RAP1A: variants seen among roughly 807,000 people sequenced by gnomAD.
The protein encoded by RAP1A is ras-related protein Rap-1A.
RAP1A carries 6 observed loss-of-function variants against 26.4 expected under a neutral mutation model. That is an observed-to-expected ratio of 0.23 (90% CI 0.12 to 0.45). The LOEUF (loss-of-function observed/expected upper bound fraction) is 0.45. Among genes scored for constraint, RAP1A ranks in the 20% least tolerant of loss-of-function variants. The probability of loss-of-function intolerance (pLI) is 0.99; values close to 1 mark genes in which losing one functional copy is unlikely to be tolerated. For missense variants in RAP1A, 121 were observed against 217.2 expected (o/e 0.56, Z 2.78); for synonymous variants, 73 against 79.4 (o/e 0.92, Z 0.43).
At chr1:111,598,734 C>T (rs1473052921) in intron 1 of RAP1A, among the ~76,000 whole-genome samples, 3 of 152,114 alleles carry the variant, frequency 2.0e-5, no homozygotes, top group African/African-American at 7.2e-5. Context: ...AGCAAGCAAG[C>T]GAGCAGTTCT....
At chr1:111,611,081 T>A (rs755188835) in intron 1 of RAP1A, among the ~76,000 whole-genome samples, 13 of 152,220 alleles carry the variant, frequency 8.5e-5, no homozygotes, top group Non-Finnish European at 1.9e-4. Context: ...TCTTAAATGA[T>A]CTACACAGAG....
chr1:111,660,483 A>G (rs1036402875), intron 1 of RAP1A, among the ~76,000 whole-genome samples: 2 of 151,612 alleles, frequency 1.3e-5, no homozygotes, highest in African/African-American at 2.4e-5. Context: ...TTTTCTCCCA[A>G]CTTGTCTCTT....
intron 1 of RAP1A, among the ~76,000 whole-genome samples, chr1:111,560,569 G>A (rs1657696372): frequency 6.6e-6 from 1 of 151,656 alleles, no homozygotes; most frequent in Admixed American, 6.6e-5. Context: ...GCTCACTGCA[G>A]CCTCAAACTC....
intron 1 of RAP1A, among the ~76,000 whole-genome samples, chr1:111,561,999 C>A (rs1405924959): frequency 6.6e-6 from 1 of 152,092 alleles, no homozygotes; most frequent in Non-Finnish European, 1.5e-5. Flanking sequence ...CGATAGAATT[C>A]AAACCCTCCA....
At chr1:111,603,382 C>T (rs1160174157) in intron 1 of RAP1A, among the ~76,000 whole-genome samples, 2 of 152,180 alleles carry the variant, frequency 1.3e-5, no homozygotes, top group East Asian at 1.9e-4. Flanking sequence ...TATCGCCCAA[C>T]CTGTCATCAC....
At chr1:111,678,507 C>A (rs895267310) in intron 1 of RAP1A, among the ~76,000 whole-genome samples, 1 of 152,136 alleles carries the variant, frequency 6.6e-6, no homozygotes, top group Non-Finnish European at 1.5e-5. Context: ...AGTGTACTTA[C>A]ACAAATCTGG....
chr1:111,704,847 G>A (rs1029977318), intron 6 of RAP1A, among the ~76,000 whole-genome samples: 5 of 152,176 alleles, frequency 3.3e-5, no homozygotes, highest in African/African-American at 7.2e-5. Context: ...GTAAAGTCAA[G>A]TTGGAAAATA....
upstream of RAP1A, among the ~76,000 whole-genome samples, chr1:111,617,415 T>C (rs1659035327): frequency 6.6e-6 from 1 of 152,154 alleles, no homozygotes; most frequent in South Asian, 2.1e-4. Flanking sequence ...TCTCCAGTTG[T>C]CTCCTCTTGC....
At chr1:111,686,863 CTTTT>C (rs1228831987) in intron 1 of RAP1A, among the ~76,000 whole-genome samples, 1 of 148,772 alleles carries the variant, frequency 6.7e-6, no homozygotes, top group East Asian at 2.0e-4. Context: ...ATCTATATAT[CTTTT>C]TTTTTTCACT....
intron 1 of RAP1A, among the ~76,000 whole-genome samples, chr1:111,657,361 G>A (rs1422244590): frequency 1.3e-5 from 2 of 152,086 alleles, no homozygotes; most frequent in Non-Finnish European, 2.9e-5. Flanking sequence ...TTTAGACTTG[G>A]GTCCCATTCC....
intron 1 of RAP1A, among the ~76,000 whole-genome samples, chr1:111,628,685 A>T (rs1291458895): frequency 6.6e-6 from 1 of 152,154 alleles, no homozygotes; most frequent in Admixed American, 6.5e-5. Context: ...GGTTTAAAGG[A>T]AAACAAAAGG....
At chr1:111,645,995 A>C (rs1660053393) in intron 1 of RAP1A, among the ~76,000 whole-genome samples, 1 of 152,230 alleles carries the variant, frequency 6.6e-6, no homozygotes. Context: ...ACACACGTGC[A>C]CACGTGTTTA....
chr1:111,644,836 TA>T (rs1660014763), intron 1 of RAP1A, among the ~76,000 whole-genome samples: 1 of 152,180 alleles, frequency 6.6e-6, no homozygotes, highest in Non-Finnish European at 1.5e-5. Flanking sequence ...TGGGGCCACA[TA>T]TTGGGCCCTC....
At chr1:111,542,889 G>T (rs1240113458) in intron 1 of RAP1A, among the ~76,000 whole-genome samples, 1 of 151,976 alleles carries the variant, frequency 6.6e-6, no homozygotes, top group Non-Finnish European at 1.5e-5. Context: ...TAGAGATGGG[G>T]TTTCACCATG....
At chr1:111,608,941 T>C (rs1658869937) in intron 1 of RAP1A, among the ~76,000 whole-genome samples, 1 of 152,236 alleles carries the variant, frequency 6.6e-6, no homozygotes, top group Non-Finnish European at 1.5e-5. Context: ...TGAGTTCTGC[T>C]GAGCTGACCT....
At chr1:111,579,196 G>A (rs1262236268) in intron 1 of RAP1A, among the ~76,000 whole-genome samples, 3 of 152,176 alleles carry the variant, frequency 2.0e-5, no homozygotes, top group Non-Finnish European at 2.9e-5. Flanking sequence ...GGGTAGGGTT[G>A]AAAGTTCCAA....
chr1:111,580,417 C>T (rs1000627069), intron 1 of RAP1A, among the ~76,000 whole-genome samples: 6 of 152,044 alleles, frequency 3.9e-5, no homozygotes, highest in Admixed American at 1.3e-4. Context: ...AAGGCACACA[C>T]GTGGATGTAT....
chr1:111,688,297 G>GTA (rs751593820), intron 1 of RAP1A, among the ~76,000 whole-genome samples: 2,998 of 132,720 alleles, frequency 0.023, 37 homozygotes, highest in South Asian at 0.046. Context: ...GTGTGTGTGT[G>GTA]TGTATATATA....
chr1:111,646,437 AAAC>A lies in RAP1A; in HGVS notation c.-28+26506_-28+26508del, dbSNP rs1557876605. ...CCTTTTTGTAAAAAAAAAAAAAACA[AAAC>A]AAAACCTCAATTCCCAAATTATAAA... On this transcript the variant is annotated intron_variant, in intron 1 of 7. Coordinates refer to ENST00000369709, the MANE Select transcript of RAP1A (RefSeq NM_002884.4). Among the ~76,000 whole-genome samples, 111 of 138,784 alleles carry A rather than the reference AAAC, an allele frequency of 8.0e-4. 1 individual carries two copies. The highest frequency in any genetic ancestry group is 3.1e-3 in the African/African-American group (101 of 32,476). The allele number at this position is 138,784 out of a possible 152,430, so 91.0% of individuals were successfully genotyped here.
Sources: gnomAD v4.1 joint callset for allele counts (sites outside exome capture counted in the v4.1 genomes callset) on GRCh38, gnomAD v4.1.1 for gene constraint, MANE v1.5 for transcripts, NCBI Gene and HGNC (gene_info 2026-07-23, HGNC 2026-07-21) for gene names.